The following PRRG1 variants were observed in gnomAD, a reference collection of about 807,000 sequenced individuals.
PRRG1 encodes the protein proline rich and Gla domain 1.
Under a neutral mutation model 11.8 loss-of-function variants are expected in PRRG1, and 5 were observed. The ratio of observed to expected loss-of-function variants is 0.42; its 90% CI spans 0.22 to 0.89. The LOEUF is 0.89. Ranked by LOEUF, PRRG1 falls within the 40% of genes least tolerant of loss-of-function variation. The pLI, the probability that PRRG1 is intolerant of heterozygous loss-of-function variation, is 0.28. For synonymous variants in PRRG1, 66 were observed against 60.4 expected (o/e 1.09, Z -0.43); for missense variants, 155 against 166.1 (o/e 0.93, Z 0.37).
At chrX:37,385,378 T>C (rs1931291473) in intron 1 of PRRG1, among the ~76,000 whole-genome samples, 1 of 110,999 alleles carries the variant, frequency 9.0e-6, no homozygotes, top group Admixed American at 9.6e-5. Flanking sequence ...ACTATTCTGC[T>C]AAGTGTCTTG....
Position 37,453,252 on chromosome X carries a change from T to C in PRRG1, c.288T>C (p.Leu96=), listed in dbSNP as rs151077014. Residue 96 remains leucine (L), a synonymous_variant, in exon 4 of 4, where the codon CTT becomes CTC. Transcript: ENST00000378628. The part of the protein sequence containing the change: ...PLIFGLFIIL[L]VIFLIWRCFL... ...TCTTTGGCCTCTTCATTATCCTCCT[T>C]GTCATTTTCCTAATCTGGAGATGCT... The C allele has an allele frequency of 1.1e-4, 128 of 1,208,992 alleles. No homozygotes were observed. In the African/African-American group the frequency reaches 2.0e-3, roughly 19 times the overall value.
chrX:37,446,864 C>T (rs782145284), intron 3 of PRRG1, among the ~76,000 whole-genome samples: 62 of 110,558 alleles, frequency 5.6e-4, no homozygotes, highest in African/African-American at 1.9e-3. Flanking sequence ...TCCACTCTCT[C>T]GGAAACTAAT....
At chrX:37,395,023 AT>A (rs1931668324) in intron 1 of PRRG1, among the ~76,000 whole-genome samples, 1 of 112,003 alleles carries the variant, frequency 8.9e-6, no homozygotes, top group Non-Finnish European at 1.9e-5. Context: ...CTTTGTTAGT[AT>A]CCTCATAGGT....
rs202061888 is a variant in PRRG1 at position 37,453,379 on chromosome X, T to C, written c.415T>C (p.Phe139Leu). The change falls in exon 4 of 4, where the codon TTT becomes CTT. Residue 139 changes from phenylalanine to leucine, a missense_variant. Physicochemically the swap from Phe to Leu is conservative, Grantham distance 22. Transcript: ENST00000378628. ...CCCACCCCCCCCACCAGATGAAGTG[T>C]TTGACAGCAGTGGATTGTCTCCAGG... ...ITPPPPPDEV[F>L]DSSGLSPGFL... is the part of the protein sequence containing the mutation. 7.7e-6 allele frequency: 9 copies of C among 1,170,581 alleles called. No individual in the cohort carries two copies. Among genetic ancestry groups the C allele is most frequent in the African/African-American group, 1.8e-5 (1 of 55,300 alleles).
At chrX:37,378,839 A>T (rs1320597683) in intron 1 of PRRG1, among the ~76,000 whole-genome samples, 3 of 110,098 alleles carry the variant, frequency 2.7e-5, no homozygotes, top group African/African-American at 9.9e-5. Flanking sequence ...GAGAAGAGTT[A>T]TACAGCCATT....
intron 3 of PRRG1, chrX:37,440,758 T>C (rs1334696535): frequency 3.9e-6 from 2 of 507,821 alleles, no homozygotes; most frequent in African/African-American, 4.6e-5. Flanking sequence ...CTGTTTTCTA[T>C]TTTATTTTAT....
chrX:37,374,288 T>G (rs1322306640), intron 1 of PRRG1, among the ~76,000 whole-genome samples: 1 of 111,942 alleles, frequency 8.9e-6, no homozygotes, highest in Admixed American at 9.4e-5. Context: ...ATTAACTGAA[T>G]TGTTGTTTTG....
chrX:37,453,284 G>A lies in PRRG1; in HGVS notation c.320G>A (p.Arg107Lys), dbSNP rs988972472. Residue 107 changes from arginine to lysine, a missense_variant, in exon 4 of 4, where the codon AGA becomes AAA. By Grantham distance (26) the Arg-to-Lys change is conservative. Transcript: ENST00000378628. ...VIFLIWRCFL[R>K]NKTRRQTVTE... is the part of the protein sequence containing the mutation. The stretch of plus-strand genomic sequence containing the variant: ...TTCCTAATCTGGAGATGCTTCCTAA[G>A]AAACAAAACTCGTAGACAGACAGTG... The A allele has an allele frequency of 1.7e-6, 2 of 1,207,624 alleles. No individual in the cohort carries two copies. The highest frequency in any genetic ancestry group is 3.5e-5 in the African/African-American group (2 of 56,713).
rs1921247513 is a variant in PRRG1, at chrX:37,453,740, C to T, written c.*119C>T. On this transcript the variant is annotated 3_prime_UTR_variant, in exon 4 of 4. Transcript: ENST00000378628. ...TTTATTGGACTCTTACCGCATACCA[C>T]TTCACACTTGTTTTATTTTCTTTAG... 1.4e-6 allele frequency: 1 copy of T among 706,583 alleles called. No individual in the cohort carries two copies. Among genetic ancestry groups the T allele is most frequent in the Non-Finnish European group, 1.9e-6 (1 of 521,164 alleles). The allele number at this position is 706,583 out of a possible 1,213,427, so 58.2% of individuals were successfully genotyped here.
chrX:37,387,543 G>C (rs1479897678), intron 1 of PRRG1, among the ~76,000 whole-genome samples: 1 of 111,585 alleles, frequency 9.0e-6, no homozygotes, highest in Admixed American at 9.5e-5. Context: ...AGGAGGAAGA[G>C]AGAGAGGGGG....
At chrX:37,367,248 C>A (rs73631176) in intron 1 of PRRG1, among the ~76,000 whole-genome samples, 3,980 of 111,904 alleles carry the variant, frequency 0.036, 173 homozygotes, top group African/African-American at 0.12. Context: ...CTAATATAGG[C>A]ATTTAAGGCA....
chrX:37,380,091 T>C (rs1931106725), intron 1 of PRRG1, among the ~76,000 whole-genome samples: 1 of 111,261 alleles, frequency 9.0e-6, no homozygotes, highest in South Asian at 3.7e-4. Context: ...TAAATAAAAA[T>C]GGAAGGAATA....
At chrX:37,431,554 A>T (rs1932827035) in intron 3 of PRRG1, among the ~76,000 whole-genome samples, 1 of 98,816 alleles carries the variant, frequency 1.0e-5, no homozygotes, top group South Asian at 4.3e-4. Flanking sequence ...CTTTGGTGAA[A>T]TCTCTCTTCA....
At chrX:37,435,897 A>G (rs1017390708) in intron 3 of PRRG1, among the ~76,000 whole-genome samples, 1 of 112,205 alleles carries the variant, frequency 8.9e-6, no homozygotes, top group African/African-American at 3.2e-5. Context: ...GGATTGATTC[A>G]TTAATTATAA....
At chrX:37,415,501 C>T (rs183810440) in intron 2 of PRRG1, among the ~76,000 whole-genome samples, 9 of 112,220 alleles carry the variant, frequency 8.0e-5, no homozygotes, top group Non-Finnish European at 1.1e-4. Context: ...ACACATCAGC[C>T]CACCACCTCC....
chrX:37,419,550 G>T lies in PRRG1; in HGVS notation c.11-6290G>T, dbSNP rs1226425345. 3.8e-4 allele frequency among the ~76,000 whole-genome samples: 42 copies of T among 111,606 alleles called. No individual in the cohort carries two copies. In the Admixed American group the frequency reaches 4.0e-3, roughly 11 times the overall value. ...GAAAAGACTTATAAGATTCTACGGG[G>T]TATATTCTCATAAGGCTTTAATAAT... On this transcript the variant is annotated intron_variant, in intron 2 of 3. Coordinates refer to ENST00000378628, the MANE Select transcript of PRRG1 (RefSeq NM_001142395.2).
chrX:37,414,753 G>A (rs782598492), intron 2 of PRRG1, among the ~76,000 whole-genome samples: 1 of 112,767 alleles, frequency 8.9e-6, no homozygotes, highest in African/African-American at 3.2e-5. Context: ...GAAAATCTGC[G>A]ACTCATGAAC....
chrX:37,378,601 C>G (rs917540444), intron 1 of PRRG1, among the ~76,000 whole-genome samples: 15 of 111,257 alleles, frequency 1.3e-4, no homozygotes, highest in African/African-American at 3.9e-4. Context: ...CTGATTGTCT[C>G]CAGAGGTTTT....
chrX:37,387,342 G>A (rs782051406), intron 1 of PRRG1, among the ~76,000 whole-genome samples: 1 of 111,827 alleles, frequency 8.9e-6, no homozygotes, highest in Non-Finnish European at 1.9e-5. Context: ...TACTATATTA[G>A]TCTGTTCTCA....
Sources: gnomAD v4.1 joint callset for allele counts (sites outside exome capture counted in the v4.1 genomes callset) on GRCh38, gnomAD v4.1.1 for gene constraint, MANE v1.5 for transcripts, NCBI Gene and HGNC (gene_info 2026-07-23, HGNC 2026-07-21) for gene names.